The following WDR45B variants were observed in gnomAD, a reference collection of about 807,000 sequenced individuals.
The protein encoded by WDR45B is WD repeat domain 45B.
A neutral mutation model predicts 44.6 loss-of-function variants in WDR45B; 20 were observed. That is an observed-to-expected ratio of 0.45 (90% CI 0.32 to 0.65). WDR45B has a LOEUF of 0.65. Ranked by LOEUF, WDR45B falls within the 30% of genes least tolerant of loss-of-function variation. The probability of loss-of-function intolerance (pLI) is 0.05; values close to 1 mark genes in which losing one functional copy is unlikely to be tolerated. For missense variants in WDR45B, 323 were observed against 430.2 expected (o/e 0.75, Z 2.20); for synonymous variants, 169 against 164.9 (o/e 1.02, Z -0.19).
At chr17:82,618,115 A>C (rs1036653808) in intron 7 of WDR45B, among the ~76,000 whole-genome samples, 1 of 152,078 alleles carries the variant, frequency 6.6e-6, no homozygotes, top group African/African-American at 2.4e-5. Flanking sequence ...TTTTTAGTAG[A>C]GATGGGGTTT....
At chr17:82,647,531 G>T (rs755822397) in intron 1 of WDR45B, among the ~76,000 whole-genome samples, 8 of 152,198 alleles carry the variant, frequency 5.3e-5, no homozygotes, top group African/African-American at 7.2e-5. Flanking sequence ...CCTTCCCTGG[G>T]CGCTTTAAAT....
At chr17:82,637,005 A>C (rs189781507) in intron 2 of WDR45B, among the ~76,000 whole-genome samples, 1 of 151,646 alleles carries the variant, frequency 6.6e-6, no homozygotes, top group Admixed American at 6.6e-5. Flanking sequence ...CAGGATAAAA[A>C]CCCCCGGTCT....
rs367572675 is a variant in WDR45B at position 82,617,302 on chromosome 17, T to G, written c.800A>C (p.Gln267Pro). ...FAAEDPKRNK[Q>P]SSLASASFLP... ...CAGGCATCCTAACACCTACCTGGAC[T>G]GTTTATTCCTTTTTGGATCTTCAGC... The change falls in exon 8 of 10, where the codon CAG (glutamine) becomes CCG (proline). Residue 267 changes from glutamine (Q) to proline (P), a missense_variant. Coordinates refer to ENST00000392325, the MANE Select transcript of WDR45B (RefSeq NM_019613.4). The G allele has an allele frequency of 1.9e-6, 3 of 1,613,154 alleles. No individual in the cohort carries two copies. In the Admixed American group the frequency reaches 5.0e-5, roughly 27 times the overall value.
rs2046010794 is a variant in WDR45B, at chr17:82,648,394, A to G, written c.-54T>C. ...CAGCGCTGCATGCCTCTCGCTGGGG[A>G]CGGCGGCCTGGTCCCTTCGGGCCGG... On this transcript the variant is annotated 5_prime_UTR_variant, in exon 1 of 10. Coordinates refer to ENST00000392325, the MANE Select transcript of WDR45B (RefSeq NM_019613.4). 6.3e-7 allele frequency: 1 copy of G among 1,583,986 alleles called. No individual in the cohort carries two copies. The highest frequency in any genetic ancestry group is 8.6e-7 in the Non-Finnish European group (1 of 1,167,302).
At chr17:82,624,181 C>G (rs1410932448) in intron 5 of WDR45B, among the ~76,000 whole-genome samples, 1 of 152,208 alleles carries the variant, frequency 6.6e-6, no homozygotes, top group South Asian at 2.1e-4. Context: ...CACATACACA[C>G]ACACAGAGGA....
intron 7 of WDR45B, 50 bp downstream of exon 7, chr17:82,618,993 C>T (rs976616027): frequency 3.2e-5 from 51 of 1,578,144 alleles, no homozygotes; most frequent in Non-Finnish European, 4.1e-5. Context: ...GGCCCACTTC[C>T]GTGCTGTCAG....
Position 82,616,607 on chromosome 17 carries a change from G to C in WDR45B, c.845C>G (p.Ser282Cys), listed in dbSNP as rs2045538842. ...CTGAAACTTGGAGAAACTCCACTTG[G>C]AACTGAAGTATTTTGGAAGGAAACT... The part of the protein sequence containing the change: ...SASFLPKYFS[S>C]KWSFSKFQVP... The change falls in exon 9 of 10, where the codon TCC becomes TGC. Residue 282 changes from serine (S) to cysteine (C), a missense_variant. By Grantham distance (112) the Ser-to-Cys change is moderately radical. Coordinates refer to ENST00000392325, the MANE Select transcript of WDR45B (RefSeq NM_019613.4). 2.5e-6 allele frequency: 4 copies of C among 1,614,208 alleles called. No individual in the cohort carries two copies. Among genetic ancestry groups the C allele is most frequent in the Non-Finnish European group, 3.4e-6 (4 of 1,180,034 alleles).
At chr17:82,642,897 A>C (rs1217026690) in intron 2 of WDR45B, among the ~76,000 whole-genome samples, 1 of 152,246 alleles carries the variant, frequency 6.6e-6, no homozygotes, top group Non-Finnish European at 1.5e-5. Context: ...TTCAGTAAAA[A>C]GTATCCTGAG....
intron 7 of WDR45B, among the ~76,000 whole-genome samples, chr17:82,618,544 G>A (rs1020398734): frequency 6.6e-6 from 1 of 152,106 alleles, no homozygotes; most frequent in Non-Finnish European, 1.5e-5. Context: ...ACCCAAGCCC[G>A]CCAGCCAGGG....
At chr17:82,630,632 T>C (rs542407931) in intron 3 of WDR45B, among the ~76,000 whole-genome samples, 1 of 152,316 alleles carries the variant, frequency 6.6e-6, no homozygotes, top group Admixed American at 6.5e-5. Context: ...TGCTTTAAAA[T>C]GAATTCATGA....
intron 2 of WDR45B, among the ~76,000 whole-genome samples, chr17:82,638,335 G>C (rs1403029677): frequency 6.7e-6 from 1 of 148,522 alleles, no homozygotes; most frequent in African/African-American, 2.5e-5. Context: ...GTGGTGGGGA[G>C]ACAGGACACG....
intron 2 of WDR45B, among the ~76,000 whole-genome samples, chr17:82,634,683 C>T (rs1224431410): frequency 6.6e-6 from 1 of 151,938 alleles, no homozygotes; most frequent in Non-Finnish European, 1.5e-5. Flanking sequence ...ACAGCACGTG[C>T]TCCATACGTG....
Position 82,621,768 on chromosome 17 carries a change from G to A in WDR45B, c.459C>T (p.Asn153=), listed in dbSNP as rs768941562. The change falls in exon 6 of 10, where the codon AAC becomes AAT. Residue 153 remains asparagine, a synonymous_variant. Coordinates refer to ENST00000392325, the MANE Select transcript of WDR45B (RefSeq NM_019613.4). ...GLCVLCPNSN[N]SLLAFPGTHT... The stretch of plus-strand genomic sequence containing the variant: ...GCGTGCCCGGAAAGGCCAGGAGGGA[G>A]TTGTTACTATTGGGACAAAGGACAC... The A allele has an allele frequency of 6.2e-7, 1 of 1,614,210 alleles. No individual in the cohort carries two copies. Among genetic ancestry groups the A allele is most frequent in the South Asian group, 1.1e-5 (1 of 91,084 alleles).
chr17:82,648,440 G>A lies in WDR45B; in HGVS notation c.-100C>T, dbSNP rs2143406509. On this transcript the variant is annotated 5_prime_UTR_variant, in exon 1 of 10. Coordinates refer to ENST00000392325, the MANE Select transcript of WDR45B (RefSeq NM_019613.4). ...GCCGGCGCTGAGGCCGCCGCGGCCG[G>A]AAGTGCCGGACGTACGTGCGTGCGT... The A allele has an allele frequency of 7.0e-7, 1 of 1,432,292 alleles. No individual in the cohort carries two copies. The highest frequency in any genetic ancestry group is 2.6e-5 in the East Asian group (1 of 38,484). The allele number at this position is 1,432,292 out of a possible 1,614,324, so 88.7% of individuals were successfully genotyped here.
At chr17:82,617,494 C>T in intron 7 of WDR45B, 97 bp from the exon 8 acceptor site, 1 of 1,214,064 alleles carries the variant, frequency 8.2e-7, no homozygotes, top group Non-Finnish European at 1.2e-6. Flanking sequence ...AACACCTCAA[C>T]ATTCCCACTC....
chr17:82,646,373 G>C (rs144372575), intron 1 of WDR45B, among the ~76,000 whole-genome samples: 281 of 150,062 alleles, frequency 1.9e-3, no homozygotes, highest in African/African-American at 6.4e-3. Context: ...TGTAATCTCA[G>C]CTACTCGGGA....
At chr17:82,627,705 G>A (rs944170240) in intron 3 of WDR45B, among the ~76,000 whole-genome samples, 7 of 152,184 alleles carry the variant, frequency 4.6e-5, no homozygotes, top group Non-Finnish European at 7.3e-5. Context: ...CGCACAGCCC[G>A]GTCCCGGTCT....
chr17:82,614,836 A>T lies in WDR45B; in HGVS notation c.*1083T>A, dbSNP rs1406142567. On this transcript the variant is annotated 3_prime_UTR_variant, in exon 10 of 10. Transcript: ENST00000392325. ...GTTTAACGGGAATTTAAGAAAATTA[A>T]ATATATATCCCAAGTAGCTGACAAT... 1.3e-5 allele frequency: 2 copies of T among 152,320 alleles called. No homozygotes were observed. The highest frequency in any genetic ancestry group is 1.5e-5 in the Non-Finnish European group (1 of 68,032). 9.4% of individuals were successfully genotyped at this position (152,320 alleles called of 1,614,324 possible). A position where few individuals can be genotyped will look rare whatever the true frequency, so the allele number is the denominator to read the frequency against.
chr17:82,626,533 CAAAAAAAAAAAA>C (rs562186058), intron 4 of WDR45B, among the ~76,000 whole-genome samples: 48 of 79,456 alleles, frequency 6.0e-4, no homozygotes, highest in East Asian at 1.5e-3. Context: ...CTCTATCTCC[CAAAAAAAAAAAA>C]AAAAAAAAAA....
Sources: allele counts gnomAD v4.1 joint callset (sites outside exome capture counted in the v4.1 genomes callset), GRCh38; gene constraint gnomAD v4.1.1; transcripts MANE v1.5; gene names NCBI Gene and HGNC (gene_info 2026-07-23, HGNC 2026-07-21).